Variants in OPCML observed in about 807,000 individuals in gnomAD.
OPCML encodes the protein opioid binding protein/cell adhesion molecule like, also known as opioid-binding protein/cell adhesion molecule.
In OPCML, 13 loss-of-function variants were observed where a neutral mutation model predicts 37.8. That is an observed-to-expected ratio of 0.34 (90% CI 0.22 to 0.55). The LOEUF (loss-of-function observed/expected upper bound fraction) is 0.55, where lower values mean the gene tolerates loss of function less well. Ranked by LOEUF, OPCML falls within the 20% of genes least tolerant of loss-of-function variation. OPCML has a pLI of 0.91. For missense variants in OPCML, 341 were observed against 435.6 expected (o/e 0.78, Z 1.93); for synonymous variants, 176 against 168.8 (o/e 1.04, Z -0.33).
chr11:132,912,831 T>C (rs1391583977), intron 2 of OPCML, among the ~76,000 whole-genome samples: 1 of 152,256 alleles, frequency 6.6e-6, no homozygotes, highest in Admixed American at 6.5e-5. Flanking sequence ...GAACTTTCAG[T>C]GGCTTCCCGT....
At chr11:132,814,139 A>G (rs956756359) in intron 2 of OPCML, among the ~76,000 whole-genome samples, 5 of 152,234 alleles carry the variant, frequency 3.3e-5, no homozygotes, top group Admixed American at 6.5e-5. Flanking sequence ...TCATTCATTC[A>G]TTCAAAATAC....
rs372804218 is a variant in OPCML, at chr11:133,205,626, G to T, written c.62-262616C>A. On this transcript the variant is annotated intron_variant, in intron 1 of 7. Transcript: ENST00000524381. This position sits in a 1 kb window ranked among gnomAD's most constrained non-coding sequence, Gnocchi z 4.8. ...AGTCCTCACGATCATTGCTCAGTTG[G>T]TGTGTGGGGAAAAATTTCTCACTCA... is the stretch of plus-strand genomic sequence containing the variant. Among the ~76,000 whole-genome samples, 3 of 152,206 alleles carry T rather than the reference G, an allele frequency of 2.0e-5. No homozygotes were observed. The highest frequency in any genetic ancestry group is 7.2e-5 in the African/African-American group (3 of 41,458).
chr11:132,705,903 G>T (rs111570144), intron 2 of OPCML, among the ~76,000 whole-genome samples: 21,926 of 152,080 alleles, frequency 0.14, 1,920 homozygotes, highest in Non-Finnish European at 0.19. Flanking sequence ...CACCTCCCGG[G>T]TTCAAGTGAT....
At chr11:133,119,633 G>C (rs1197974798) in intron 1 of OPCML, among the ~76,000 whole-genome samples, 1 of 152,132 alleles carries the variant, frequency 6.6e-6, no homozygotes, top group African/African-American at 2.4e-5. Context: ...TATCAACAAG[G>C]TATAAACAGA....
intron 1 of OPCML, among the ~76,000 whole-genome samples, chr11:133,119,866 C>G (rs748764230): frequency 3.3e-5 from 5 of 151,946 alleles, no homozygotes; most frequent in African/African-American, 1.2e-4. Context: ...GAGCAGGTAG[C>G]GGGAAAGGTG....
intron 2 of OPCML, among the ~76,000 whole-genome samples, chr11:132,723,948 C>T (rs1286242789): frequency 6.6e-6 from 1 of 152,158 alleles, no homozygotes; most frequent in Non-Finnish European, 1.5e-5. Context: ...CAGAGATGGC[C>T]ATGTGGGGTT....
At chr11:132,437,866 A>G (rs914150955) in intron 4 of OPCML, among the ~76,000 whole-genome samples, 1 of 152,198 alleles carries the variant, frequency 6.6e-6, no homozygotes, top group African/African-American at 2.4e-5. Context: ...CTTTAATATA[A>G]ATAGATGCAA....
At chr11:132,578,141 T>G (rs2096454887) in intron 3 of OPCML, among the ~76,000 whole-genome samples, 2 of 152,196 alleles carry the variant, frequency 1.3e-5, no homozygotes, top group South Asian at 4.1e-4. Flanking sequence ...ATTTCCAGGC[T>G]TTCAACAATG....
At chr11:132,625,149 C>T (rs1939661730) in intron 3 of OPCML, among the ~76,000 whole-genome samples, 1 of 152,112 alleles carries the variant, frequency 6.6e-6, no homozygotes, top group Admixed American at 6.5e-5. Flanking sequence ...CACTTCTTAC[C>T]TGGATTCTCT....
At chr11:133,126,357 G>A (rs1391712195) in intron 1 of OPCML, among the ~76,000 whole-genome samples, 1 of 152,084 alleles carries the variant, frequency 6.6e-6, no homozygotes. Flanking sequence ...CACTGTGAGG[G>A]TGATCTGAAT....
intron 4 of OPCML, among the ~76,000 whole-genome samples, chr11:132,460,008 A>G (rs2096095636): frequency 6.6e-6 from 1 of 152,182 alleles, no homozygotes; most frequent in Admixed American, 6.5e-5. Context: ...TTTTTCAAAT[A>G]CAGTGCTGTT....
At chr11:132,441,165 G>GTTTTTTGTTTTTTT (rs2096031891) in intron 4 of OPCML, among the ~76,000 whole-genome samples, 7 of 72,400 alleles carry the variant, frequency 9.7e-5, no homozygotes, top group African/African-American at 7.6e-4. Flanking sequence ...GGACTTTTTT[G>GTTTTTTGTTTTTTT]TTTTTTTTTT....
chr11:132,724,324 C>T (rs546517099), intron 2 of OPCML, among the ~76,000 whole-genome samples: 22 of 152,252 alleles, frequency 1.4e-4, no homozygotes, highest in African/African-American at 5.3e-4. Flanking sequence ...GGAAATGAGA[C>T]AAACATTAAG....
chr11:132,459,491 T>C (rs2096093554), intron 4 of OPCML, among the ~76,000 whole-genome samples: 1 of 147,558 alleles, frequency 6.8e-6, no homozygotes, highest in South Asian at 2.1e-4. Flanking sequence ...TATAGGATAA[T>C]ATATATCTAT....
intron 4 of OPCML, among the ~76,000 whole-genome samples, chr11:132,474,638 C>T (rs563504610): frequency 4.6e-5 from 7 of 152,226 alleles, no homozygotes; most frequent in East Asian, 3.9e-4. Flanking sequence ...CTGGCCACTG[C>T]GGAAAACTTC....
At chr11:133,078,494 G>A (rs1392670684) in intron 1 of OPCML, among the ~76,000 whole-genome samples, 1 of 152,208 alleles carries the variant, frequency 6.6e-6, no homozygotes, top group African/African-American at 2.4e-5. Context: ...AAAGGAATAT[G>A]TTTCAGTCAT....
rs1056771839 is a variant in OPCML, at chr11:133,335,943, G to A, written c.61+196321C>T. ...CTGAAAGAAAGGAGTCTCCATCTAG[G>A]GGCTCTGTTTGCAAGTAGCAGGACA... On this transcript the variant is annotated intron_variant, in intron 1 of 7. Transcript: ENST00000524381. 3.9e-5 allele frequency among the ~76,000 whole-genome samples: 6 copies of A among 152,064 alleles called. No individual in the cohort carries two copies. The East Asian group carries it at 5.8e-4, about 15-fold the overall frequency.
intron 2 of OPCML, among the ~76,000 whole-genome samples, chr11:132,688,125 T>C (rs569042100): frequency 3.3e-5 from 5 of 152,048 alleles, no homozygotes; most frequent in Non-Finnish European, 7.4e-5. Context: ...TAACAAAACA[T>C]GTACATTAAT....
intron 1 of OPCML, among the ~76,000 whole-genome samples, chr11:133,305,102 C>T (rs1348714422): frequency 6.6e-6 from 1 of 152,160 alleles, no homozygotes; most frequent in African/African-American, 2.4e-5. Context: ...ATTACAATCA[C>T]TATCTCTTTC....
Sources: gnomAD v4.1 joint callset for allele counts (sites outside exome capture counted in the v4.1 genomes callset) on GRCh38, gnomAD v4.1.1 for gene constraint, Gnocchi (gnomAD v3.1) non-coding constraint, MANE v1.5 for transcripts, NCBI Gene and HGNC (gene_info 2026-07-23, HGNC 2026-07-21) for gene names.